Variants in WDR43 observed in about 807,000 individuals in gnomAD.
WDR43 encodes the protein WD repeat-containing protein 43.
In WDR43, 13 loss-of-function variants were observed where a neutral mutation model predicts 91.4. That is an observed-to-expected ratio of 0.14 (90% CI 0.09 to 0.23). The LOEUF (loss-of-function observed/expected upper bound fraction) is 0.23, where lower values mean the gene tolerates loss of function less well. Ranked by LOEUF, WDR43 falls within the 10% of genes least tolerant of loss-of-function variation. The pLI is 1.00. For synonymous variants in WDR43, 331 were observed against 287.9 expected, an observed-to-expected ratio of 1.15 and a Z score of -1.51; for missense variants, 780 against 809.4, an observed-to-expected ratio of 0.96 and a Z score of 0.44.
chr2:28,942,366 T>G lies in WDR43; in HGVS notation c.1789T>G (p.Leu597Val). The change falls in exon 16 of 18, where the codon TTG (leucine) becomes GTG (valine). Residue 597 changes from leucine to valine, a missense_variant. Coordinates refer to ENST00000407426, the MANE Select transcript of WDR43 (RefSeq NM_015131.3). ...GATSPGQKAK[L>V]VYEEESSEEE... The stretch of plus-strand genomic sequence containing the variant: ...AACTTCCCCTGGACAGAAGGCAAAG[T>G]TGGTGTATGAAGAAGGTAAAGACTG... The G allele has an allele frequency of 6.2e-7, 1 of 1,613,394 alleles. No individual in the cohort carries two copies. The highest frequency in any genetic ancestry group is 8.5e-7 in the Non-Finnish European group (1 of 1,179,620).
chr2:28,942,481 C>A, intron 16 of WDR43, 100 bp downstream of exon 16: 1 of 1,286,360 alleles, frequency 7.8e-7, no homozygotes, highest in Non-Finnish European at 1.1e-6. Context: ...TAAGATCTTC[C>A]TTTGGCAAGC....
intron 5 of WDR43, 47 bp from the exon 6 acceptor site, chr2:28,917,845 GA>G: frequency 2.6e-6 from 4 of 1,523,328 alleles, no homozygotes; most frequent in Non-Finnish European, 3.5e-6. Context: ...TTTTTAGGAA[GA>G]AAATTAAATC....
At chr2:28,909,517 G>T (rs1670749533) in intron 3 of WDR43, among the ~76,000 whole-genome samples, 2 of 152,068 alleles carry the variant, frequency 1.3e-5, no homozygotes, top group Admixed American at 1.3e-4. Context: ...TATGTTTAAG[G>T]CATCCTTCAA....
rs1291359254 is a variant in WDR43, at chr2:28,939,185, G to A, written c.1620+1191G>A. Among the ~76,000 whole-genome samples, 8 of 151,660 alleles carry A rather than the reference G, an allele frequency of 5.3e-5. No homozygotes were observed. The South Asian group carries it at 1.3e-3, about 24-fold the overall frequency. ...AGAGGAGTTTTGGGAGGTGACTTGG[G>A]AGCACTGGTGAGAGGGGTTTTGGGA... is the stretch of plus-strand genomic sequence containing the variant. On this transcript the variant is annotated intron_variant, in intron 14 of 17. Coordinates refer to ENST00000407426, the MANE Select transcript of WDR43 (RefSeq NM_015131.3).
At chr2:28,922,604 C>T (rs1038452292) in intron 6 of WDR43, among the ~76,000 whole-genome samples, 4 of 152,108 alleles carry the variant, frequency 2.6e-5, no homozygotes, top group Non-Finnish European at 4.4e-5. Context: ...TTTCTGTATT[C>T]CCGGCAAGAG....
At chr2:28,917,093 C>T (rs1240183029) in intron 5 of WDR43, among the ~76,000 whole-genome samples, 3 of 152,006 alleles carry the variant, frequency 2.0e-5, no homozygotes, top group Non-Finnish European at 2.9e-5. Context: ...TCCAAGAAAG[C>T]ACAAAAATGC....
At chr2:28,911,481 A>G (rs2148183622) in intron 3 of WDR43, among the ~76,000 whole-genome samples, 1 of 151,862 alleles carries the variant, frequency 6.6e-6, no homozygotes, top group East Asian at 1.9e-4. Context: ...TTTTTAGTAG[A>G]GACAGGGTTT....
intron 3 of WDR43, among the ~76,000 whole-genome samples, chr2:28,912,114 T>C (rs1400486794): frequency 1.3e-5 from 2 of 152,170 alleles, no homozygotes; most frequent in African/African-American, 4.8e-5. Flanking sequence ...AGAAATAACC[T>C]TTTTGGGTTG....
intron 3 of WDR43, among the ~76,000 whole-genome samples, chr2:28,908,138 C>T (rs1003031750): frequency 1.3e-5 from 2 of 152,104 alleles, no homozygotes; most frequent in African/African-American, 4.8e-5. Context: ...TTCAGCTTTG[C>T]TAACTAGGCA....
chr2:28,934,133 T>C (rs985283750), intron 11 of WDR43, among the ~76,000 whole-genome samples: 2 of 152,202 alleles, frequency 1.3e-5, no homozygotes, highest in Non-Finnish European at 2.9e-5. Flanking sequence ...TAATGTGTTA[T>C]TAATAGACCA....
In WDR43 at chr2:28,925,093, A is replaced by G. The variant is rs1185887140; in HGVS notation, c.1026A>G (p.Ser342=). ...PIPILAAGFC[S]DKMSLLLVYG... ...CTATTCTAGCTGCTGGTTTTTGCTC[A>G]GACAAAATGTCATTGTTGCTTGTAT... is the stretch of plus-strand genomic sequence containing the variant. The change falls in exon 8 of 18, where the codon TCA becomes TCG. Residue 342 remains serine, a synonymous_variant. Coordinates refer to ENST00000407426, the MANE Select transcript of WDR43 (RefSeq NM_015131.3). The G allele has an allele frequency of 1.9e-6, 3 of 1,613,884 alleles. No homozygotes were observed. Among genetic ancestry groups the G allele is most frequent in the Admixed American group, 1.7e-5 (1 of 59,988 alleles).
chr2:28,910,678 A>AATATATATATATATATATATATATATAT (rs71403628), intron 3 of WDR43, among the ~76,000 whole-genome samples: 2 of 142,642 alleles, frequency 1.4e-5, no homozygotes, highest in Admixed American at 7.3e-5. Flanking sequence ...TGTGTGTGTA[A>AATATATATATATATATATATATATATAT]ATATATATAT....
At chr2:28,910,643 C>CAT (rs904011101) in intron 3 of WDR43, among the ~76,000 whole-genome samples, 4 of 147,326 alleles carry the variant, frequency 2.7e-5, no homozygotes, top group African/African-American at 9.9e-5. Context: ...TAGCTTTTTA[C>CAT]ATATATATAC....
At chr2:28,927,866 A>C (rs1194036248) in intron 10 of WDR43, 166 bp downstream of exon 10, 1 of 1,036,050 alleles carries the variant, frequency 9.7e-7, no homozygotes, top group Non-Finnish European at 1.3e-6. Context: ...ATAATTCTAG[A>C]TTGTCATCTT....
chr2:28,927,262 G>A (rs915449090), intron 9 of WDR43: 6 of 477,074 alleles, frequency 1.3e-5, no homozygotes, highest in South Asian at 1.7e-5. Flanking sequence ...GTTGAATTTA[G>A]TAGTGGGGGC....
At chr2:28,903,944 A>G (rs1206271270) in intron 2 of WDR43, among the ~76,000 whole-genome samples, 1 of 152,118 alleles carries the variant, frequency 6.6e-6, no homozygotes, top group African/African-American at 2.4e-5. Context: ...AGCTGGGATT[A>G]CAGACGTGCA....
chr2:28,925,900 G>T (rs891732764), intron 8 of WDR43, among the ~76,000 whole-genome samples: 1 of 152,078 alleles, frequency 6.6e-6, no homozygotes, highest in South Asian at 2.1e-4. Flanking sequence ...CTATTTTTTT[G>T]CATCTTTCCC....
At chr2:28,910,129 C>G (rs1670762049) in intron 3 of WDR43, among the ~76,000 whole-genome samples, 1 of 152,170 alleles carries the variant, frequency 6.6e-6, no homozygotes, top group African/African-American at 2.4e-5. Context: ...GCATAATTCT[C>G]ACAAGTTCCC....
chr2:28,940,232 CT>C (rs950190705), intron 14 of WDR43, among the ~76,000 whole-genome samples: 24 of 142,974 alleles, frequency 1.7e-4, no homozygotes, highest in East Asian at 4.3e-4. Flanking sequence ...TGTTCTTTTT[CT>C]TTTTTTTTTT....
Sources: gnomAD v4.1 joint callset for allele counts (sites outside exome capture counted in the v4.1 genomes callset) on GRCh38, gnomAD v4.1.1 for gene constraint, MANE v1.5 for transcripts, NCBI Gene and HGNC (gene_info 2026-07-23, HGNC 2026-07-21) for gene names.